Variants in CNTN6 observed in about 807,000 individuals in gnomAD.
The protein encoded by CNTN6 is contactin 6.
CNTN6 carries 137 observed loss-of-function variants against 122.8 expected under a neutral mutation model. The observed-to-expected ratio is 1.12, with a 90% confidence interval of 0.97 to 1.29. CNTN6 has a LOEUF of 1.29. CNTN6 is among the 50% of genes most tolerant of loss of function. The pLI is 0.00. For synonymous variants in CNTN6, 570 were observed against 426.0 expected, an observed-to-expected ratio of 1.34 and a Z score of -4.16; for missense variants, 1,634 against 1,223.4, an observed-to-expected ratio of 1.34 and a Z score of -5.01.
chr3:1,148,459 A>G (rs1429414571), intron 2 of CNTN6, among the ~76,000 whole-genome samples: 2 of 143,860 alleles, frequency 1.4e-5, no homozygotes, highest in Non-Finnish European at 3.0e-5. Context: ...ATTAAAATAC[A>G]TATTTCTCTC....
chr3:1,206,821 T>G (rs929126247), intron 2 of CNTN6, among the ~76,000 whole-genome samples: 4 of 152,170 alleles, frequency 2.6e-5, no homozygotes, highest in Non-Finnish European at 5.9e-5. Flanking sequence ...CTAGCTTCCC[T>G]ATTTGTCAAA....
chr3:1,332,995 C>A (rs576450772), intron 11 of CNTN6, among the ~76,000 whole-genome samples: 2 of 152,142 alleles, frequency 1.3e-5, no homozygotes, highest in East Asian at 3.9e-4. Flanking sequence ...GAGAAGACAA[C>A]ATCAAAATAG....
intron 4 of CNTN6, among the ~76,000 whole-genome samples, chr3:1,256,923 A>T (rs770371245): frequency 6.6e-6 from 1 of 152,180 alleles, no homozygotes; most frequent in Non-Finnish European, 1.5e-5. Flanking sequence ...TGGGAAAAGT[A>T]GGTTATACAT....
chr3:1,387,793 G>C (rs1699627302), intron 20 of CNTN6, among the ~76,000 whole-genome samples: 1 of 152,188 alleles, frequency 6.6e-6, no homozygotes, highest in African/African-American at 2.4e-5. Context: ...GTCAAAGAAA[G>C]GGGTGACGGA....
intron 8 of CNTN6, among the ~76,000 whole-genome samples, chr3:1,325,343 G>A (rs1485677631): frequency 1.3e-5 from 2 of 151,810 alleles, no homozygotes; most frequent in Non-Finnish European, 2.9e-5. Context: ...GGAAGCTCAT[G>A]TTTGATTTAT....
chr3:1,118,021 C>G (rs1461996389), intron 1 of CNTN6, among the ~76,000 whole-genome samples: 1 of 152,124 alleles, frequency 6.6e-6, no homozygotes, highest in African/African-American at 2.4e-5. Flanking sequence ...TAAGCCCTTG[C>G]CTCAAGGCCC....
intron 1 of CNTN6, among the ~76,000 whole-genome samples, chr3:1,133,223 C>T (rs1406578939): frequency 1.3e-5 from 2 of 152,186 alleles, no homozygotes; most frequent in African/African-American, 2.4e-5. Context: ...GTCATCGAAT[C>T]TTGACAATGA....
chr3:1,386,268 T>G (rs901602259), intron 20 of CNTN6, among the ~76,000 whole-genome samples: 1 of 139,454 alleles, frequency 7.2e-6, no homozygotes, highest in South Asian at 2.3e-4. Flanking sequence ...ATGGTTTTTT[T>G]GTTTTGTCAT....
intron 7 of CNTN6, among the ~76,000 whole-genome samples, chr3:1,319,794 T>C (rs1017717969): frequency 6.9e-6 from 1 of 145,068 alleles, no homozygotes; most frequent in Non-Finnish European, 1.5e-5. Context: ...GCATGCTCAT[T>C]GCAGGAAAAT....
chr3:1,402,792 AT>A (rs2126266458), intron 22 of CNTN6: 1 of 241,604 alleles, frequency 4.1e-6, no homozygotes, highest in South Asian at 9.6e-5. Flanking sequence ...TTTTTCATAG[AT>A]TCTTTCGGGT....
At chr3:1,158,486 C>G (rs1285306784) in intron 2 of CNTN6, among the ~76,000 whole-genome samples, 1 of 150,668 alleles carries the variant, frequency 6.6e-6, no homozygotes, top group Non-Finnish European at 1.5e-5. Context: ...TGTTGGTTGT[C>G]TCTTCACTTC....
At chr3:1,288,307 T>C (rs1317775791) in intron 5 of CNTN6, among the ~76,000 whole-genome samples, 2 of 133,164 alleles carry the variant, frequency 1.5e-5, no homozygotes, top group Non-Finnish European at 3.2e-5. Flanking sequence ...GTGGAACGAA[T>C]GGGAATTCAA....
intron 2 of CNTN6, among the ~76,000 whole-genome samples, chr3:1,187,470 T>A (rs2093645318): frequency 6.6e-6 from 1 of 152,208 alleles, no homozygotes; most frequent in Non-Finnish European, 1.5e-5. Flanking sequence ...GGTGTCAGGC[T>A]ACAAAGGCTT....
intron 1 of CNTN6, among the ~76,000 whole-genome samples, chr3:1,098,094 C>CGG (rs36051719): frequency 9.0e-5 from 11 of 122,452 alleles, no homozygotes; most frequent in Non-Finnish European, 1.5e-4. Context: ...GGTATATTTG[C>CGG]GGGGGGGGGA....
chr3:1,351,772 C>A (rs1012750518), intron 11 of CNTN6, among the ~76,000 whole-genome samples: 1 of 151,772 alleles, frequency 6.6e-6, no homozygotes, highest in Non-Finnish European at 1.5e-5. Context: ...ATGGGATAGC[C>A]ACATAATAAG....
At chr3:1,356,052 A>G (rs1706500885) in intron 12 of CNTN6, among the ~76,000 whole-genome samples, 1 of 151,824 alleles carries the variant, frequency 6.6e-6, no homozygotes, top group African/African-American at 2.4e-5. Context: ...TCAGAGGCAC[A>G]AACAAGGAAT....
intron 4 of CNTN6, among the ~76,000 whole-genome samples, chr3:1,272,804 G>A (rs911279619): frequency 6.6e-6 from 1 of 152,152 alleles, no homozygotes; most frequent in East Asian, 1.9e-4. Flanking sequence ...CAAATGTACA[G>A]TTTTCTTGCT....
chr3:1,372,866 A>G lies in CNTN6; in HGVS notation c.1697A>G (p.Asn566Ser), dbSNP rs776463208. The stretch of plus-strand genomic sequence containing the variant: ...TCTGTTGGGGATTTGATGATAAGGA[A>G]TATTCAGTTACATCATTCAGGAAAA... The part of the protein sequence containing the change: ...GESVGDLMIR[N>S]IQLHHSGKYL... The change falls in exon 14 of 23, where the codon AAT becomes AGT. Residue 566 changes from asparagine (N) to serine (S), a missense_variant. Physicochemically the swap from Asn to Ser is conservative, Grantham distance 46. Coordinates refer to ENST00000446702, the MANE Select transcript of CNTN6 (RefSeq NM_001289080.2). The G allele has an allele frequency of 6.2e-7, 1 of 1,608,468 alleles. No individual in the cohort carries two copies. Among genetic ancestry groups the G allele is most frequent in the Non-Finnish European group, 8.5e-7 (1 of 1,176,368 alleles).
At chr3:1,256,408 G>A (rs1157281967) in intron 4 of CNTN6, among the ~76,000 whole-genome samples, 1 of 152,018 alleles carries the variant, frequency 6.6e-6, no homozygotes, top group East Asian at 1.9e-4. Flanking sequence ...TGAGAAAGAG[G>A]ATAGTATCAA....
Sources: gnomAD v4.1 joint callset for allele counts (sites outside exome capture counted in the v4.1 genomes callset) on GRCh38, gnomAD v4.1.1 for gene constraint, MANE v1.5 for transcripts, NCBI Gene and HGNC (gene_info 2026-07-23, HGNC 2026-07-21) for gene names.